The following CLNK variants were observed in gnomAD, a reference collection of about 807,000 sequenced individuals.
The protein encoded by CLNK is cytokine-dependent hematopoietic cell linker.
Under a neutral mutation model 68.6 loss-of-function variants are expected in CLNK, and 74 were observed. The observed-to-expected ratio is 1.08, with a 90% CI of 0.89 to 1.31. The LOEUF (loss-of-function observed/expected upper bound fraction) is 1.31, where lower values mean the gene tolerates loss of function less well. Among genes scored for constraint, CLNK ranks in the 50% most tolerant of loss-of-function variants. The pLI is 0.00. For synonymous variants in CLNK, 198 were observed against 172.2 expected (o/e 1.15, Z -1.17); for missense variants, 553 against 515.3 (o/e 1.07, Z -0.71).
intron 18 of CLNK, among the ~76,000 whole-genome samples, chr4:10,500,574 G>T (rs1373737961): frequency 1.3e-5 from 2 of 152,126 alleles, no homozygotes; most frequent in East Asian, 3.9e-4. Flanking sequence ...CCGCTACTCA[G>T]GAGGCTGAGG....
At chr4:10,637,583 CTTTTTTTTTTTTT>C (rs1158317670) in intron 2 of CLNK, among the ~76,000 whole-genome samples, 11 of 71,434 alleles carry the variant, frequency 1.5e-4, no homozygotes, top group African/African-American at 6.5e-4. Flanking sequence ...CACCATTCCT[CTTTTTTTTTTTTT>C]TTTTTTTTTT....
chr4:10,572,367 C>A (rs1720386815), intron 4 of CLNK, among the ~76,000 whole-genome samples: 1 of 152,194 alleles, frequency 6.6e-6, no homozygotes, highest in Non-Finnish European at 1.5e-5. Context: ...CTTTTCTCAG[C>A]ACTCAACACT....
At chr4:10,563,241 G>T (rs1225460972) in intron 7 of CLNK, among the ~76,000 whole-genome samples, 1 of 152,140 alleles carries the variant, frequency 6.6e-6, no homozygotes, top group African/African-American at 2.4e-5. Flanking sequence ...AATAACTGTG[G>T]TGCAAACTAA....
the CLNK span, among the ~76,000 whole-genome samples, chr4:10,700,477 G>T: frequency 6.6e-6 from 1 of 152,126 alleles, no homozygotes; most frequent in Admixed American, 6.5e-5. Context: ...ATTCACAGGG[G>T]TTCACAGTTT....
At chr4:10,730,281 C>T in the CLNK span, among the ~76,000 whole-genome samples, 15 of 152,182 alleles carry the variant, frequency 9.9e-5, no homozygotes, top group African/African-American at 3.6e-4. Flanking sequence ...TCCCCCATTT[C>T]ACTAAGTGAT....
chr4:10,679,818 TACCATCTCAC>T (rs1725023257), intron 1 of CLNK, among the ~76,000 whole-genome samples: 1 of 152,066 alleles, frequency 6.6e-6, no homozygotes, highest in Admixed American at 6.6e-5. Flanking sequence ...CACAATGAGA[TACCATCTCAC>T]ACCAGTTAGA....
intron 2 of CLNK, among the ~76,000 whole-genome samples, chr4:10,610,062 T>A (rs1433584290): frequency 1.1e-4 from 2 of 18,164 alleles, no homozygotes; most frequent in East Asian, 4.4e-3. Context: ...TTTTTTTTTT[T>A]TTTTTTTTTT....
At position 10,585,048 on chromosome 4, in the gene CLNK, G is replaced by T. The variant is rs1218559891; in HGVS notation, c.84-93C>A. On this transcript the variant is annotated intron_variant, in intron 3 of 18. Transcript: ENST00000226951. ...GAACAGGCAGTCATCAAACGTCATT[G>T]TACAAGTCAGCCTCTGAAGCTGCTT... 8.9e-6 allele frequency: 12 copies of T among 1,341,756 alleles called. No individual in the cohort carries two copies. The African/African-American group carries it at 1.0e-4, about 11-fold the overall frequency. The allele number at this position is 1,341,756 out of a possible 1,614,324, so 83.1% of individuals were successfully genotyped here. A position where few individuals can be genotyped will look rare whatever the true frequency, so the allele number is the denominator to read the frequency against.
chr4:10,560,738 C>T (rs1207678916), intron 7 of CLNK, among the ~76,000 whole-genome samples: 2 of 152,210 alleles, frequency 1.3e-5, no homozygotes, highest in African/African-American at 4.8e-5. Flanking sequence ...GCCATCACAC[C>T]TGGCTGGAGA....
intron 2 of CLNK, among the ~76,000 whole-genome samples, chr4:10,644,709 A>C (rs961449703): frequency 6.6e-6 from 1 of 152,236 alleles, no homozygotes; most frequent in African/African-American, 2.4e-5. Flanking sequence ...TCATAATAAA[A>C]ATCAAATTTT....
At chr4:10,656,995 C>G (rs1724013966) in intron 2 of CLNK, among the ~76,000 whole-genome samples, 1 of 152,144 alleles carries the variant, frequency 6.6e-6, no homozygotes, top group Admixed American at 6.5e-5. Context: ...ACATTATGTT[C>G]TAGATGCTGT....
intron 2 of CLNK, among the ~76,000 whole-genome samples, chr4:10,643,936 G>T (rs2108877634): frequency 6.6e-6 from 1 of 152,316 alleles, no homozygotes; most frequent in South Asian, 2.1e-4. Flanking sequence ...GCTTGCCTAT[G>T]CATGCAGGCC....
intron 2 of CLNK, among the ~76,000 whole-genome samples, chr4:10,609,561 C>T (rs1430261194): frequency 6.6e-6 from 1 of 152,226 alleles, no homozygotes; most frequent in African/African-American, 2.4e-5. Context: ...TGTCAAGACC[C>T]TCACACAGAA....
At chr4:10,548,167 G>T (rs927276126) in intron 8 of CLNK, among the ~76,000 whole-genome samples, 30 of 152,106 alleles carry the variant, frequency 2.0e-4, no homozygotes, top group Non-Finnish European at 3.4e-4. Context: ...TTTGTTTTTT[G>T]TGTGTGTTTT....
intron 15 of CLNK, among the ~76,000 whole-genome samples, chr4:10,518,007 A>AT: frequency 6.8e-6 from 1 of 147,374 alleles, no homozygotes; most frequent in African/African-American, 2.5e-5. Context: ...AATCTTTGGA[A>AT]TTTTTTTTTT....
chr4:10,572,801 A>G (rs1720401090), intron 4 of CLNK, among the ~76,000 whole-genome samples: 1 of 151,804 alleles, frequency 6.6e-6, no homozygotes, highest in African/African-American at 2.4e-5. Context: ...TGGCTTTATC[A>G]TTTTCCCATT....
chr4:10,566,755 A>T (rs892831302), intron 5 of CLNK, among the ~76,000 whole-genome samples: 2 of 152,134 alleles, frequency 1.3e-5, no homozygotes, highest in African/African-American at 4.8e-5. Flanking sequence ...AGGCTGAGGT[A>T]GGAGGATTGC....
At chr4:10,704,265 T>C in the CLNK span, among the ~76,000 whole-genome samples, 1 of 152,314 alleles carries the variant, frequency 6.6e-6, no homozygotes, top group Admixed American at 6.5e-5. Context: ...TTTAAGCTTC[T>C]GTAAAATGCC....
intron 4 of CLNK, among the ~76,000 whole-genome samples, chr4:10,573,911 T>C (rs770241393): frequency 1.3e-5 from 2 of 152,114 alleles, no homozygotes; most frequent in Non-Finnish European, 2.9e-5. Context: ...TCCTTTCAGA[T>C]CCCATTTCTC....
Sources: gnomAD v4.1 joint callset for allele counts (sites outside exome capture counted in the v4.1 genomes callset) on GRCh38, gnomAD v4.1.1 for gene constraint, MANE v1.5 for transcripts, NCBI Gene and HGNC (gene_info 2026-07-23, HGNC 2026-07-21) for gene names.